Variants in GPAM observed in about 807,000 individuals in gnomAD.
The protein encoded by GPAM is glycerol-3-phosphate acyltransferase, mitochondrial.
Under a neutral mutation model 105.0 loss-of-function variants are expected in GPAM, and 56 were observed. The observed-to-expected ratio is 0.53, with a 90% CI of 0.43 to 0.67. The LOEUF is 0.67. Among genes scored for constraint, GPAM ranks in the 30% least tolerant of loss-of-function variants. The probability of loss-of-function intolerance (pLI) is 0.00; values close to 1 mark genes in which losing one functional copy is unlikely to be tolerated. For synonymous variants in GPAM, 368 were observed against 354.4 expected (o/e 1.04, Z -0.43); for missense variants, 855 against 989.8 (o/e 0.86, Z 1.83).
rs922944494 is a variant in GPAM at position 112,180,728 on chromosome 10, T to C, written c.103-133A>G. ...TTCTGGGTGATTTTCATTTAAGTAC[T>C]CCCTCCATGATCAACACTTGGATAA... On this transcript the variant is annotated intron_variant, in intron 3 of 21. Transcript: ENST00000348367. 3.9e-6 allele frequency: 3 copies of C among 776,580 alleles called. No individual in the cohort carries two copies. The African/African-American group carries it at 5.2e-5, about 13-fold the overall frequency. 48.1% of individuals were successfully genotyped at this position (776,580 alleles called of 1,614,324 possible). A position where few individuals can be genotyped will look rare whatever the true frequency, so the allele number is the denominator to read the frequency against.
At chr10:112,216,734 G>A (rs189449506), upstream of GPAM, among the ~76,000 whole-genome samples, 1,813 of 151,688 alleles carry the variant, frequency 0.012, 44 homozygotes, top group African/African-American at 0.041. Context: ...AGCGATTCTC[G>A]TGCCTCAGCC....
Position 112,152,080 on chromosome 10 carries a change from T to C in GPAM, c.*1470A>G. 1 of 979,390 alleles carries C rather than the reference T, an allele frequency of 1.0e-6. No individual in the cohort carries two copies. The highest frequency in any genetic ancestry group is 1.2e-6 in the Non-Finnish European group (1 of 824,450). The allele number at this position is 979,390 out of a possible 1,614,324, so 60.7% of individuals were successfully genotyped here. A position where few individuals can be genotyped will look rare whatever the true frequency, so the allele number is the denominator to read the frequency against. On this transcript the variant is annotated 3_prime_UTR_variant, in exon 22 of 22. Transcript: ENST00000348367. ...CCTCTCCCAAAACACACATTACTCA[T>C]GAGATACTATCAGTGTTTAAAATCC...
At chr10:112,220,196 A>G (rs535310334), upstream of GPAM, among the ~76,000 whole-genome samples, 1 of 152,184 alleles carries the variant, frequency 6.6e-6, no homozygotes, top group Non-Finnish European at 1.5e-5. Context: ...CTATGATTGG[A>G]TCCCCAACCA....
chr10:112,220,443 T>C, the GPAM span, among the ~76,000 whole-genome samples: 1 of 151,136 alleles, frequency 6.6e-6, no homozygotes, highest in African/African-American at 2.4e-5. Flanking sequence ...CATACTCATA[T>C]ATAACTGTGA....
At chr10:112,196,735 G>C (rs995468469) in intron 1 of GPAM, among the ~76,000 whole-genome samples, 1 of 152,158 alleles carries the variant, frequency 6.6e-6, no homozygotes, top group Admixed American at 6.6e-5. Flanking sequence ...TAGAGAATAG[G>C]CTTTTCATAA....
intron 4 of GPAM, 114 bp downstream of exon 4, chr10:112,180,359 T>C: frequency 1.0e-6 from 1 of 981,878 alleles, no homozygotes; most frequent in Non-Finnish European, 1.6e-6. Flanking sequence ...ATTTGGTTCA[T>C]AAACATGGGT....
chr10:112,225,474 C>T, the GPAM span, among the ~76,000 whole-genome samples: 2 of 152,158 alleles, frequency 1.3e-5, no homozygotes, highest in Non-Finnish European at 2.9e-5. Flanking sequence ...TGCCACCCTC[C>T]TACCTATGCC....
In GPAM at chr10:112,152,719, G is replaced by A. The variant is rs1421420457; in HGVS notation, c.*831C>T. The A allele has an allele frequency of 3.1e-6, 3 of 981,738 alleles. No individual in the cohort carries two copies. Among genetic ancestry groups the A allele is most frequent in the Admixed American group, 6.2e-5 (1 of 16,258 alleles). The allele number at this position is 981,738 out of a possible 1,614,324, so 60.8% of individuals were successfully genotyped here. A position where few individuals can be genotyped will look rare whatever the true frequency, so the allele number is the denominator to read the frequency against. On this transcript the variant is annotated 3_prime_UTR_variant, in exon 22 of 22. Coordinates refer to ENST00000348367, the MANE Select transcript of GPAM (RefSeq NM_001244949.2). ...GGCAGGTATTACCTGAGGGGTGGAC[G>A]AGGTACAGACATAAAACAGGAAGGG... is the stretch of plus-strand genomic sequence containing the variant.
chr10:112,169,546 T>C (rs1291236202), intron 9 of GPAM, among the ~76,000 whole-genome samples: 2 of 152,218 alleles, frequency 1.3e-5, no homozygotes, highest in Admixed American at 6.5e-5. Flanking sequence ...CCTAACCCTA[T>C]GTCTCTTTCT....
chr10:112,211,266 G>A lies in GPAM; in HGVS notation n.210+3902C>T, dbSNP rs77490012. ...TTCTCTCCACCAGCAGAAGCACCTG[G>A]GGAAGAAGAGCCCAGGATAGGGAGT... On this transcript the variant is annotated intron_variant and non_coding_transcript_variant, in intron 1 of 3. Coordinates refer to the GPAM transcript ENST00000480130. Among the ~76,000 whole-genome samples the A allele has an allele frequency of 1.8e-3, 272 of 152,276 alleles. 1 individual carries two copies. Among genetic ancestry groups the A allele is most frequent in the African/African-American group, 6.4e-3 (265 of 41,566 alleles).
At chr10:112,174,986 G>A (rs1847378070) in intron 6 of GPAM, among the ~76,000 whole-genome samples, 1 of 151,938 alleles carries the variant, frequency 6.6e-6, no homozygotes, top group Non-Finnish European at 1.5e-5. Flanking sequence ...TCTGAAACTG[G>A]CCACACCAAT....
chr10:112,164,586 T>C lies in GPAM; in HGVS notation c.1246A>G (p.Lys416Glu), dbSNP rs1270222913. ...LKEYLESQSQKPVSALLSLEQ... is the reference protein window; with the variant it reads ...LKEYLESQSQEPVSALLSLEQ... ...AGGGAAAGTAGAGCAGACACCGGTTTCTGACTTTGGCTTTCTAAATATTCC... is the reference window on the plus strand; with the variant it reads ...AGGGAAAGTAGAGCAGACACCGGTTCCTGACTTTGGCTTTCTAAATATTCC... The change falls in exon 13 of 22, where the codon AAA becomes GAA. Residue 416 changes from lysine to glutamate, a missense_variant. Lys to Glu is a moderately conservative substitution (Grantham distance 56). Coordinates refer to ENST00000348367, the MANE Select transcript of GPAM (RefSeq NM_001244949.2). The C allele has an allele frequency of 6.2e-7, 1 of 1,604,352 alleles. No homozygotes were observed. The highest frequency in any genetic ancestry group is 1.1e-5 in the South Asian group (1 of 90,916).
At chr10:112,162,083 ATATTCCTT>A (rs1847134528) in intron 14 of GPAM, among the ~76,000 whole-genome samples, 1 of 152,216 alleles carries the variant, frequency 6.6e-6, no homozygotes, top group Non-Finnish European at 1.5e-5. Flanking sequence ...TCCCATTTCC[ATATTCCTT>A]TACTTGCTCC....
At chr10:112,168,633 A>G in intron 10 of GPAM, 109 bp from the exon 11 acceptor site, 2 of 791,590 alleles carry the variant, frequency 2.5e-6, no homozygotes, top group Admixed American at 4.0e-5. Flanking sequence ...TAACTTCACT[A>G]CTGACAAAGT....
At position 112,152,503 on chromosome 10, in the gene GPAM, G is replaced by A. The variant is rs915204437; in HGVS notation, c.*1047C>T. On this transcript the variant is annotated 3_prime_UTR_variant, in exon 22 of 22. Coordinates refer to ENST00000348367, the MANE Select transcript of GPAM (RefSeq NM_001244949.2). The stretch of plus-strand genomic sequence containing the variant: ...CACATGCATATACTGGACAGGTTGT[G>A]CACGGCACAACTCGAGTGGGTACCA... The A allele has an allele frequency of 9.1e-6, 9 of 984,874 alleles. No homozygotes were observed. Among genetic ancestry groups the A allele is most frequent in the Admixed American group, 6.1e-5 (1 of 16,262 alleles). 61.0% of individuals were successfully genotyped at this position (984,874 alleles called of 1,614,324 possible).
At chr10:112,218,349 T>C (rs1847990999), upstream of GPAM, among the ~76,000 whole-genome samples, 1 of 152,158 alleles carries the variant, frequency 6.6e-6, no homozygotes, top group Non-Finnish European at 1.5e-5. Flanking sequence ...ACAGAGCGAC[T>C]ATGGAGAGAT....
chr10:112,201,141 G>T (rs185251219), intron 1 of GPAM, among the ~76,000 whole-genome samples: 1 of 152,322 alleles, frequency 6.6e-6, no homozygotes, highest in East Asian at 1.9e-4. Flanking sequence ...TTGGCCAGAA[G>T]ATGTGTCTGC....
chr10:112,177,524 C>T (rs995431373), intron 5 of GPAM, among the ~76,000 whole-genome samples: 6 of 152,150 alleles, frequency 3.9e-5, no homozygotes, highest in Admixed American at 6.5e-5. Context: ...ATTGTAAGAA[C>T]TCTAAGTAAA....
At chr10:112,181,094 T>C (rs1326515190) in intron 3 of GPAM, among the ~76,000 whole-genome samples, 1 of 151,876 alleles carries the variant, frequency 6.6e-6, no homozygotes, top group Non-Finnish European at 1.5e-5. Context: ...TCAATTAGGG[T>C]CAAACCTTGC....
Sources: gnomAD v4.1 joint callset for allele counts (sites outside exome capture counted in the v4.1 genomes callset) on GRCh38, gnomAD v4.1.1 for gene constraint, MANE v1.5 for transcripts, NCBI Gene and HGNC (gene_info 2026-07-23, HGNC 2026-07-21) for gene names.